EML3: variants seen among roughly 807,000 people sequenced by gnomAD.
The protein encoded by EML3 is echinoderm microtubule-associated protein-like 3.
In EML3, 53 loss-of-function variants were observed where a neutral mutation model predicts 106.7. That is an observed-to-expected ratio of 0.50 (90% CI 0.40 to 0.62). The LOEUF (loss-of-function observed/expected upper bound fraction) is 0.62. EML3 is among the 20% of genes least tolerant of loss of function. EML3 has a pLI of 0.00. For synonymous variants in EML3, 499 were observed against 489.6 expected (o/e 1.02, Z -0.25); for missense variants, 994 against 1,209.1 (o/e 0.82, Z 2.64).
At chr11:62,607,185 T>A (rs887219310) in intron 11 of EML3, 86 bp from the exon 12 acceptor site, 27 of 1,503,496 alleles carry the variant, frequency 1.8e-5, no homozygotes, top group Non-Finnish European at 2.4e-5. Flanking sequence ...CAGTGGCTCA[T>A]GCCTGTAATC....
In EML3 at chr11:62,602,227, G is replaced by T; in HGVS notation, c.*248C>A. On this transcript the variant is annotated 3_prime_UTR_variant, in exon 22 of 22. Coordinates refer to ENST00000394773, the MANE Select transcript of EML3 (RefSeq NM_153265.3). ...ACAAAAGCACCGGGAGGCGACTTTGGTTCTGGTTTATTGCCCCTCAGCAGG... is the reference window on the plus strand; with the variant it reads ...ACAAAAGCACCGGGAGGCGACTTTGTTTCTGGTTTATTGCCCCTCAGCAGG... 6 of 1,526,918 alleles carry T rather than the reference G, an allele frequency of 3.9e-6. No individual in the cohort carries two copies. Among genetic ancestry groups the T allele is most frequent in the Non-Finnish European group, 5.3e-6 (6 of 1,134,478 alleles). 94.6% of individuals were successfully genotyped at this position (1,526,918 alleles called of 1,614,324 possible).
chr11:62,604,116 G>A lies in EML3; in HGVS notation c.2068C>T (p.Pro690Ser), dbSNP rs771180856. 1.9e-6 allele frequency: 3 copies of A among 1,613,954 alleles called. No individual in the cohort carries two copies. Residue 690 changes from proline to serine, a missense_variant, in exon 17 of 22, where the codon CCA becomes TCA. Pro to Ser is a moderately conservative substitution (Grantham distance 74). Transcript: ENST00000394773. Reference protein sequence around the residue: ...NEQLSVVRYSPDGLYLAIGSH... With the variant: ...NEQLSVVRYSSDGLYLAIGSH... ...CCAGGGTTGGGGTGGCTCCCACCTG[G>A]GCTGTACCGGACCACTGAGAGCTGC...
chr11:62,608,328 G>C, intron 9 of EML3, 32 bp from the exon 10 acceptor site: 1 of 1,598,992 alleles, frequency 6.3e-7, no homozygotes, highest in Admixed American at 1.7e-5. Flanking sequence ...GAGGTGCAGA[G>C]TGAACCCTGG....
chr11:62,602,226 G>A lies in EML3; in HGVS notation c.*249C>T. The A allele has an allele frequency of 2.0e-6, 3 of 1,523,710 alleles. No homozygotes were observed. Among genetic ancestry groups the A allele is most frequent in the South Asian group, 2.5e-5 (2 of 81,310 alleles). 94.4% of individuals were successfully genotyped at this position (1,523,710 alleles called of 1,614,324 possible). ...CACAAAAGCACCGGGAGGCGACTTT[G>A]GTTCTGGTTTATTGCCCCTCAGCAG... On this transcript the variant is annotated 3_prime_UTR_variant, in exon 22 of 22. Transcript: ENST00000394773.
Position 62,608,962 on chromosome 11 carries a change from C to T in EML3, c.929G>A (p.Cys310Tyr). The change falls in exon 7 of 22, where the codon TGC becomes TAC. Residue 310 changes from cysteine (C) to tyrosine (Y), a missense_variant and splice_region_variant. Cys to Tyr is a radical substitution (Grantham distance 194, BLOSUM62 -2). This residue lies in a region of EML3 where 713 missense variants were observed against 920.5 expected (regional missense o/e 0.77). Transcript: ENST00000394773. ...HYRGHTDCVRCLAVHPDGVRV... is the reference protein window; with the variant it reads ...HYRGHTDCVRYLAVHPDGVRV... ...AGCCCACCAGCCCCGGACTCCTCAC[C>T]ATCGAACGCAGTCTGTGTGCCCCCG... The T allele has an allele frequency of 6.2e-7, 1 of 1,613,746 alleles. No homozygotes were observed. The highest frequency in any genetic ancestry group is 8.5e-7 in the Non-Finnish European group (1 of 1,179,904).
At position 62,603,982 on chromosome 11, in the gene EML3, T is replaced by C. The variant is rs1307996975; in HGVS notation, c.2131A>G (p.Ser711Gly). The C allele has an allele frequency of 6.8e-6, 11 of 1,614,002 alleles. No individual in the cohort carries two copies. Among genetic ancestry groups the C allele is most frequent in the Non-Finnish European group, 9.3e-6 (11 of 1,180,018 alleles). ...AAGCGGCTGGATTTGGCACCATCAC[T>C]GGAAACACTATAGATGTAGATCACG... ...DNVIYIYSVS[S>G]DGAKSSRFGR... Residue 711 changes from serine (S) to glycine (G), a missense_variant, in exon 18 of 22, where the codon AGT (serine) becomes GGT (glycine). By Grantham distance (56) the Ser-to-Gly change is moderately conservative (BLOSUM62 0). Transcript: ENST00000394773.
At chr11:62,611,946 C>T (rs1942852398) in intron 1 of EML3, 1 of 367,510 alleles carries the variant, frequency 2.7e-6, no homozygotes, top group Admixed American at 4.5e-5. Flanking sequence ...GCAGCCCTCC[C>T]CACGCGCCCC....
intron 4 of EML3, among the ~76,000 whole-genome samples, chr11:62,610,620 G>T (rs1361650088): frequency 6.6e-6 from 1 of 152,142 alleles, no homozygotes; most frequent in Non-Finnish European, 1.5e-5. Context: ...TACCCTCTCT[G>T]AGCCTGCTTC....
chr11:62,611,960 C>A (rs1942854053), intron 1 of EML3: 1 of 368,882 alleles, frequency 2.7e-6, no homozygotes, highest in Non-Finnish European at 4.9e-6. Context: ...GCGCCCCCAG[C>A]AAGCTCAGGT....
In EML3 at chr11:62,611,080, C is replaced by G; in HGVS notation, c.452+7G>C. 1 of 1,600,170 alleles carries G rather than the reference C, an allele frequency of 6.2e-7. No individual in the cohort carries two copies. The highest frequency in any genetic ancestry group is 8.5e-7 in the Non-Finnish European group (1 of 1,177,784). ...CAGCTTCCGCCACAGGGCCACAGGACACCTACGTGTCAGCACGCTGTGGGG... is the reference window on the plus strand; with the variant it reads ...CAGCTTCCGCCACAGGGCCACAGGAGACCTACGTGTCAGCACGCTGTGGGG... On this transcript the variant is annotated splice_region_variant and intron_variant, in intron 3 of 21. Coordinates refer to ENST00000394773, the MANE Select transcript of EML3 (RefSeq NM_153265.3).
chr11:62,605,425 AG>A lies in EML3; in HGVS notation c.1914+216del. On this transcript the variant is annotated intron_variant, in intron 15 of 21. Transcript: ENST00000394773. This position sits in a 1 kb window ranked among gnomAD's most constrained non-coding sequence, Gnocchi z 5.2. The stretch of plus-strand genomic sequence containing the variant: ...AGGTGCTGGATCAAGAGGAAGTCTG[AG>A]GGGTTCTGGGGGCGGCAGGGAGTGC... Among the ~76,000 whole-genome samples, 1 of 152,086 alleles carries A rather than the reference AG, an allele frequency of 6.6e-6. No homozygotes were observed. The highest frequency in any genetic ancestry group is 1.5e-5 in the Non-Finnish European group (1 of 68,012).
In EML3 at chr11:62,602,419, A is replaced by C; in HGVS notation, c.*56T>G. 1.1e-6 allele frequency: 1 copy of C among 922,210 alleles called. No individual in the cohort carries two copies. Among genetic ancestry groups the C allele is most frequent in the Non-Finnish European group, 1.6e-6 (1 of 637,244 alleles). The allele number at this position is 922,210 out of a possible 1,614,324, so 57.1% of individuals were successfully genotyped here. A position where few individuals can be genotyped will look rare whatever the true frequency, so the allele number is the denominator to read the frequency against. ...TAGTCGTGGGGGATTGGGCCAGGGA[A>C]GGGCAGGGCGGGGCGGGGCCACGCC... On this transcript the variant is annotated 3_prime_UTR_variant, in exon 22 of 22. Transcript: ENST00000394773.
At chr11:62,607,235 G>GC in intron 11 of EML3, 136 bp from the exon 12 acceptor site, 2 of 1,083,280 alleles carry the variant, frequency 1.8e-6, no homozygotes, top group Non-Finnish European at 2.6e-6. Context: ...GTCACCTGAG[G>GC]CCAGGAGTTT....
intron 20 of EML3, 21 bp from the exon 21 acceptor site, chr11:62,602,910 A>T: frequency 2.6e-6 from 4 of 1,524,454 alleles, no homozygotes; most frequent in Non-Finnish European, 3.5e-6. Context: ...GGCCGGCCTC[A>T]GCCCGACCTC....
At chr11:62,609,506 C>T in intron 5 of EML3, 29 bp from the exon 6 acceptor site, 1 of 1,543,688 alleles carries the variant, frequency 6.5e-7, no homozygotes, top group Non-Finnish European at 8.7e-7. Flanking sequence ...GTGTCAACTA[C>T]CCCCTTCCAG....
chr11:62,607,349 A>G (rs34894392), intron 11 of EML3: 121,573 of 428,178 alleles, frequency 0.28, 20,404 homozygotes, highest in Non-Finnish European at 0.34. Flanking sequence ...AAAAACGGGC[A>G]TGATGGCCAA....
Position 62,606,146 on chromosome 11 carries a change from C to T in EML3, c.1573G>A (p.Asp525Asn). 1 of 1,614,144 alleles carries T rather than the reference C, an allele frequency of 6.2e-7. No homozygotes were observed. The highest frequency in any genetic ancestry group is 8.5e-7 in the Non-Finnish European group (1 of 1,180,036). The change falls in exon 13 of 22, where the codon GAC becomes AAC. Residue 525 changes from aspartate to asparagine, a missense_variant. Asp to Asn is a conservative substitution (Grantham distance 23). Around this residue, in one of 3 missense-constraint regions of EML3, gnomAD observed 713 missense variants for 920.5 expected, o/e 0.77. Coordinates refer to ENST00000394773, the MANE Select transcript of EML3 (RefSeq NM_153265.3). ...GSIFALCLRR[D>N]GTVLSGGGRD... ...CCGCCACCACTCAGCACTGTCCCGT[C>T]CCTCCGGAGACACAAGGCGAAGATA...
chr11:62,604,762 T>C (rs1434412503), intron 16 of EML3: 3 of 199,890 alleles, frequency 1.5e-5, no homozygotes, highest in Non-Finnish European at 3.1e-5. Flanking sequence ...GAAAAAGTAA[T>C]CTGAAACTAC....
intron 4 of EML3, among the ~76,000 whole-genome samples, chr11:62,610,512 A>G (rs929780248): frequency 1.3e-5 from 2 of 152,170 alleles, no homozygotes; most frequent in African/African-American, 4.8e-5. Flanking sequence ...GGATCGCAGA[A>G]GGTGTGCTGT....
Sources: allele counts gnomAD v4.1 joint callset (sites outside exome capture counted in the v4.1 genomes callset), GRCh38; gene constraint gnomAD v4.1.1; regional missense constraint gnomAD v4.1.1; non-coding constraint Gnocchi (gnomAD v3.1); transcripts MANE v1.5; gene names NCBI Gene and HGNC (gene_info 2026-07-23, HGNC 2026-07-21).